BRINP2: variants seen among roughly 807,000 people sequenced by gnomAD.
BRINP2 encodes the protein BMP/retinoic acid-inducible neural-specific protein 2.
A neutral mutation model predicts 69.2 loss-of-function variants in BRINP2; 21 were observed. That is an observed-to-expected ratio of 0.30 (90% confidence interval 0.22 to 0.44). The LOEUF is 0.44. Ranked by LOEUF, BRINP2 falls within the 20% of genes least tolerant of loss-of-function variation. BRINP2 has a pLI of 1.00. For synonymous variants in BRINP2, 380 were observed against 394.1 expected, an observed-to-expected ratio of 0.96 and a Z score of 0.42; for missense variants, 877 against 986.0, an observed-to-expected ratio of 0.89 and a Z score of 1.48.
Position 177,281,265 on chromosome 1 carries a change from A to G in BRINP2, c.2089A>G (p.Ile697Val), listed in dbSNP as rs199835870. Residue 697 changes from isoleucine to valine, a missense_variant, in exon 8 of 8, where the codon ATC (isoleucine) becomes GTC (valine). Around this residue, in one of 3 missense-constraint regions of BRINP2, gnomAD observed 225 missense variants for 218.7 expected, o/e 1.03. Coordinates refer to ENST00000361539, the MANE Select transcript of BRINP2 (RefSeq NM_021165.4). ...GYSLPFDPDA[I>V]RDLILQLDYP... ...CAGCCTGCCCTTTGACCCAGATGCT[A>G]TCCGGGACTTAATTCTCCAGTTGGA... 1 of 1,614,150 alleles carries G rather than the reference A, an allele frequency of 6.2e-7. No individual in the cohort carries two copies. The highest frequency in any genetic ancestry group is 1.1e-5 in the South Asian group (1 of 91,078).
chr1:177,255,982 A>G lies in BRINP2; in HGVS notation c.333A>G (p.Pro111=). 6.2e-7 allele frequency: 1 copy of G among 1,614,236 alleles called. No individual in the cohort carries two copies. The highest frequency in any genetic ancestry group is 1.1e-5 in the South Asian group (1 of 91,082). The change falls in exon 3 of 8, where the codon CCA becomes CCG. Residue 111 remains proline, a synonymous_variant. Transcript: ENST00000361539. Reference sequence around the variant, plus strand: ...AAAGGAAGGACTTCTTCAGTTTGCCATTGCCTCTTGCCCCAGAGTTTATCC... The same window carrying G: ...AAAGGAAGGACTTCTTCAGTTTGCCGTTGCCTCTTGCCCCAGAGTTTATCC... ...ALERKDFFSL[P]LPLAPEFIRN...
chr1:177,254,630 T>C (rs1650695374), intron 2 of BRINP2, among the ~76,000 whole-genome samples: 1 of 152,068 alleles, frequency 6.6e-6, no homozygotes, highest in Non-Finnish European at 1.5e-5. Context: ...CTCCATTTTT[T>C]CTTGAAAGCA....
chr1:177,256,303 TC>T, intron 3 of BRINP2, 194 bp downstream of exon 3: 1 of 984,342 alleles, frequency 1.0e-6, no homozygotes, highest in Admixed American at 6.1e-5. Flanking sequence ...ATTTAATTAT[TC>T]CCTGAGGAGG....
intron 1 of BRINP2, among the ~76,000 whole-genome samples, chr1:177,185,974 A>T (rs1648414158): frequency 6.6e-6 from 1 of 152,208 alleles, no homozygotes; most frequent in African/African-American, 2.4e-5. Context: ...TTCATCAGAT[A>T]ATTTATTATA....
At chr1:177,191,807 A>C (rs1190658505) in intron 1 of BRINP2, among the ~76,000 whole-genome samples, 3 of 152,150 alleles carry the variant, frequency 2.0e-5, no homozygotes, top group Non-Finnish European at 4.4e-5. Context: ...TTTCACCTCG[A>C]ATGTGTGCAG....
chr1:177,227,433 G>A (rs1649729975), intron 1 of BRINP2, among the ~76,000 whole-genome samples: 1 of 152,172 alleles, frequency 6.6e-6, no homozygotes, highest in African/African-American at 2.4e-5. Flanking sequence ...CTTTTGTATT[G>A]TCAATGCTTA....
At chr1:177,249,417 C>T (rs1273053519) in intron 2 of BRINP2, among the ~76,000 whole-genome samples, 1 of 152,084 alleles carries the variant, frequency 6.6e-6, no homozygotes, top group East Asian at 1.9e-4. Context: ...CTCTCTTTAC[C>T]CTTTGGCTCA....
chr1:177,172,764 G>C (rs536649029), intron 1 of BRINP2, among the ~76,000 whole-genome samples: 1 of 152,308 alleles, frequency 6.6e-6, no homozygotes, highest in Admixed American at 6.5e-5. Context: ...GCAGCCCTAG[G>C]AGCAGGGTGC....
Position 177,281,541 on chromosome 1 carries a change from T to A in BRINP2, c.*13T>A. 1 of 1,581,420 alleles carries A rather than the reference T, an allele frequency of 6.3e-7. No individual in the cohort carries two copies. The highest frequency in any genetic ancestry group is 1.1e-5 in the South Asian group (1 of 87,250). On this transcript the variant is annotated 3_prime_UTR_variant, in exon 8 of 8. Transcript: ENST00000361539. ...ACTCTGTAGCTAATGGGCGGCCCAC[T>A]TCAGCACTGGGCAAGGAGGGGATCC...
At chr1:177,276,880 A>T (rs1209204261) in intron 6 of BRINP2, among the ~76,000 whole-genome samples, 1 of 152,176 alleles carries the variant, frequency 6.6e-6, no homozygotes, top group Non-Finnish European at 1.5e-5. Flanking sequence ...TGAGACCTAG[A>T]TTCAAGAGAA....
intron 2 of BRINP2, among the ~76,000 whole-genome samples, chr1:177,243,629 A>G (rs1558173779): frequency 6.6e-6 from 1 of 152,242 alleles, no homozygotes; most frequent in African/African-American, 2.4e-5. Context: ...AGGCTAGAAT[A>G]TTGGATAGAT....
intron 1 of BRINP2, among the ~76,000 whole-genome samples, chr1:177,188,853 G>GT (rs978568971): frequency 1.3e-5 from 2 of 152,168 alleles, no homozygotes; most frequent in African/African-American, 2.4e-5. Flanking sequence ...TTCCTGAGAG[G>GT]TTTTTTTAAA....
chr1:177,237,190 C>T (rs1650052655), intron 2 of BRINP2, among the ~76,000 whole-genome samples: 1 of 152,166 alleles, frequency 6.6e-6, no homozygotes, highest in Non-Finnish European at 1.5e-5. Context: ...CCACACCATA[C>T]TTTTGCACAC....
chr1:177,181,467 G>A (rs934107806), intron 1 of BRINP2, among the ~76,000 whole-genome samples: 2 of 152,216 alleles, frequency 1.3e-5, no homozygotes, highest in South Asian at 4.1e-4. Flanking sequence ...CCCACCACGA[G>A]GCTGCCGGGC....
At chr1:177,276,560 G>T in intron 6 of BRINP2, 126 bp downstream of exon 6, 1 of 839,090 alleles carries the variant, frequency 1.2e-6, no homozygotes, top group South Asian at 1.7e-5. Context: ...ACTTAATTGT[G>T]TCTGTGACCT....
intron 2 of BRINP2, among the ~76,000 whole-genome samples, chr1:177,251,965 A>AG (rs931154491): frequency 9.9e-5 from 15 of 152,262 alleles, no homozygotes; most frequent in African/African-American, 3.6e-4. Flanking sequence ...TCCCAAAGCA[A>AG]GGGGGCTGGG....
At chr1:177,206,364 C>T (rs1649070503) in intron 1 of BRINP2, among the ~76,000 whole-genome samples, 1 of 152,160 alleles carries the variant, frequency 6.6e-6, no homozygotes, top group African/African-American at 2.4e-5. Flanking sequence ...TAATTTGTTA[C>T]ACATTTGTTA....
At chr1:177,256,423 C>T in intron 3 of BRINP2, 1 of 985,424 alleles carries the variant, frequency 1.0e-6, no homozygotes, top group Non-Finnish European at 1.2e-6. Flanking sequence ...TGAGGCTTCG[C>T]CACTTTCTAA....
At chr1:177,270,597 C>T (rs750057037) in intron 4 of BRINP2, among the ~76,000 whole-genome samples, 8 of 152,112 alleles carry the variant, frequency 5.3e-5, no homozygotes, top group Non-Finnish European at 1.2e-4. Context: ...AGCCTGTCCT[C>T]CTCTTTGGGT....
Sources: gnomAD v4.1 joint callset for allele counts (sites outside exome capture counted in the v4.1 genomes callset) on GRCh38, gnomAD v4.1.1 for gene constraint, gnomAD v4.1.1 regional missense constraint, MANE v1.5 for transcripts, NCBI Gene and HGNC (gene_info 2026-07-23, HGNC 2026-07-21) for gene names.